Variants in RTP2 observed in about 807,000 individuals in gnomAD.
RTP2 encodes receptor transporter protein 2, also known as receptor-transporting protein 2.
Under a neutral mutation model 17.9 loss-of-function variants are expected in RTP2, and 12 were observed. The ratio of observed to expected loss-of-function variants is 0.67; its 90% CI spans 0.43 to 1.09. RTP2 has a LOEUF of 1.09. Ranked by LOEUF, RTP2 falls within the 50% of genes least tolerant of loss-of-function variation. The pLI, the probability that RTP2 is intolerant of heterozygous loss-of-function variation, is 0.00. For synonymous variants in RTP2, 126 were observed against 117.7 expected (o/e 1.07, Z -0.46); for missense variants, 327 against 295.7 (o/e 1.11, Z -0.78).
At chr3:187,702,401 G>A (rs1717876750) in exon 1 of RTP2, 5 of 547,568 alleles carry the variant, frequency 9.1e-6, no homozygotes, top group South Asian at 6.5e-5. Flanking sequence ...GGGTAGGCCT[G>A]AGAGGAGCAA....
At chr3:187,709,940 C>G in the RTP2 span, among the ~76,000 whole-genome samples, 1 of 152,064 alleles carries the variant, frequency 6.6e-6, no homozygotes, top group African/African-American at 2.4e-5. Flanking sequence ...TTTTATATGT[C>G]AACTTCGCTT....
the RTP2 span, among the ~76,000 whole-genome samples, chr3:187,715,449 G>A: frequency 4.0e-5 from 6 of 151,858 alleles, no homozygotes; most frequent in East Asian, 5.8e-4. Flanking sequence ...ATACATGAAT[G>A]TATATGAAGA....
exon 2 of RTP2, chr3:187,698,986 T>A (rs772159841): frequency 6.3e-7 from 1 of 1,591,996 alleles, no homozygotes; most frequent in Non-Finnish European, 8.6e-7. Context: ...GACTGCCAGG[T>A]GTGCCAGCAC....
chr3:187,706,184 G>A (rs891617532), upstream of RTP2, among the ~76,000 whole-genome samples: 3 of 152,142 alleles, frequency 2.0e-5, no homozygotes, highest in African/African-American at 7.2e-5. Context: ...GATAAGGCAG[G>A]TAGGTTTTAT....
At chr3:187,714,697 C>T in the RTP2 span, among the ~76,000 whole-genome samples, 1 of 152,190 alleles carries the variant, frequency 6.6e-6, no homozygotes, top group African/African-American at 2.4e-5. Flanking sequence ...CTCAACAAAC[C>T]TGTACAGACG....
At chr3:187,709,529 C>T in the RTP2 span, among the ~76,000 whole-genome samples, 2 of 152,056 alleles carry the variant, frequency 1.3e-5, no homozygotes, top group Non-Finnish European at 2.9e-5. Context: ...ACTAAAAATA[C>T]AAAAAATTGG....
chr3:187,713,845 TG>T, the RTP2 span, among the ~76,000 whole-genome samples: 1 of 152,182 alleles, frequency 6.6e-6, no homozygotes, highest in Non-Finnish European at 1.5e-5. Context: ...TGTGGAGAGA[TG>T]GGGTTTTCCT....
chr3:187,710,256 C>T, the RTP2 span, among the ~76,000 whole-genome samples: 1 of 151,982 alleles, frequency 6.6e-6, no homozygotes, highest in South Asian at 2.1e-4. Flanking sequence ...GCTCTCAGGC[C>T]TTCAAACTGT....
At chr3:187,702,091 A>T in exon 1 of RTP2, 2 of 1,612,906 alleles carry the variant, frequency 1.2e-6, no homozygotes, top group Non-Finnish European at 1.7e-6. Context: ...CTCATAGAAG[A>T]CTTTCTTCCA....
chr3:187,698,724 C>T (rs145717807), exon 2 of RTP2: 123 of 1,613,942 alleles, frequency 7.6e-5, no homozygotes, highest in Non-Finnish European at 9.9e-5. Flanking sequence ...GAACTCTGCA[C>T]GATGCGGCCC....
chr3:187,705,529 G>C (rs187211575), upstream of RTP2, among the ~76,000 whole-genome samples: 1 of 152,308 alleles, frequency 6.6e-6, no homozygotes, highest in East Asian at 1.9e-4. Context: ...TTACCCAGTA[G>C]AACATTTGTA....
the RTP2 span, among the ~76,000 whole-genome samples, chr3:187,713,279 G>A: frequency 6.6e-6 from 1 of 152,186 alleles, no homozygotes; most frequent in Non-Finnish European, 1.5e-5. Flanking sequence ...GACCCTAAGA[G>A]AATACCAACC....
chr3:187,710,679 A>G, the RTP2 span, among the ~76,000 whole-genome samples: 1 of 152,002 alleles, frequency 6.6e-6, no homozygotes, highest in Non-Finnish European at 1.5e-5. Flanking sequence ...GTACTTATCA[A>G]TTCCATTTCT....
chr3:187,699,729 CCACACACACACACACACA>C (rs1328615413), intron 1 of RTP2, among the ~76,000 whole-genome samples: 39 of 116,534 alleles, frequency 3.3e-4, no homozygotes, highest in African/African-American at 1.2e-3. Flanking sequence ...CATTGCCACT[CCACACACACACACACACA>C]CACACACACA....
chr3:187,703,770 T>C (rs940580057), upstream of RTP2, among the ~76,000 whole-genome samples: 3 of 151,958 alleles, frequency 2.0e-5, no homozygotes, highest in African/African-American at 7.3e-5. Context: ...CTCTGAGAAA[T>C]AGTATACCCT....
the RTP2 span, among the ~76,000 whole-genome samples, chr3:187,709,545 C>T: frequency 6.6e-6 from 1 of 152,116 alleles, no homozygotes; most frequent in Non-Finnish European, 1.5e-5. Context: ...ATTGGCCAGG[C>T]ATGGTGGTAT....
At chr3:187,712,893 A>T in the RTP2 span, among the ~76,000 whole-genome samples, 2 of 152,204 alleles carry the variant, frequency 1.3e-5, no homozygotes, top group African/African-American at 4.8e-5. Context: ...TTGCAATCAG[A>T]AGCTGGGGCT....
the RTP2 span, among the ~76,000 whole-genome samples, chr3:187,711,177 G>A: frequency 3.3e-5 from 5 of 152,170 alleles, no homozygotes; most frequent in Admixed American, 6.5e-5. Flanking sequence ...GGGAATATGG[G>A]TGGTGTCCAG....
At chr3:187,709,552 G>A in the RTP2 span, among the ~76,000 whole-genome samples, 1 of 152,162 alleles carries the variant, frequency 6.6e-6, no homozygotes, top group Non-Finnish European at 1.5e-5. Context: ...AGGCATGGTG[G>A]TATGCCCTTG....
Sources: allele counts gnomAD v4.1 joint callset (sites outside exome capture counted in the v4.1 genomes callset), GRCh38; gene constraint gnomAD v4.1.1; transcripts MANE v1.5; gene names NCBI Gene and HGNC (gene_info 2026-07-23, HGNC 2026-07-21).